Variants in MEP1A observed in about 807,000 individuals in gnomAD.
MEP1A encodes N-benzoyl-L-tyrosyl-P-amino-benzoic acid hydrolase subunit alpha.
Under a neutral mutation model 84.5 loss-of-function variants are expected in MEP1A, and 68 were observed. The observed-to-expected ratio is 0.80, with a 90% CI of 0.66 to 0.98. MEP1A has a LOEUF of 0.98. Among genes scored for constraint, MEP1A ranks in the 50% least tolerant of loss-of-function variants. MEP1A has a pLI of 0.00. For missense variants in MEP1A, 887 were observed against 919.9 expected (o/e 0.96, Z 0.46); for synonymous variants, 337 against 336.8 (o/e 1.00, Z -0.01).
chr6:46,808,189 A>C (rs1187938911), intron 5 of MEP1A, among the ~76,000 whole-genome samples: 4 of 152,064 alleles, frequency 2.6e-5, no homozygotes, highest in Admixed American at 2.6e-4. Context: ...CCTTGGGTAC[A>C]TCTCTTCATA....
At chr6:46,832,651 A>G (rs868337067) in intron 10 of MEP1A, among the ~76,000 whole-genome samples, 59 of 152,270 alleles carry the variant, frequency 3.9e-4, no homozygotes, top group African/African-American at 1.3e-3. Context: ...CTCTGGCAAC[A>G]AGTGACAGGT....
chr6:46,818,255 T>TA (rs1738689393), intron 6 of MEP1A, among the ~76,000 whole-genome samples: 1 of 152,160 alleles, frequency 6.6e-6, no homozygotes, highest in South Asian at 2.1e-4. Context: ...TTAATAAAGT[T>TA]ATTAGAAAAT....
At chr6:46,806,520 C>T (rs1410532611) in intron 5 of MEP1A, among the ~76,000 whole-genome samples, 1 of 152,012 alleles carries the variant, frequency 6.6e-6, no homozygotes, top group Admixed American at 6.6e-5. Flanking sequence ...TGTAAATTTG[C>T]ATGACTCAAA....
intron 3 of MEP1A, among the ~76,000 whole-genome samples, chr6:46,794,824 T>G (rs923793696): frequency 4.6e-5 from 7 of 151,804 alleles, no homozygotes; most frequent in African/African-American, 1.7e-4. Flanking sequence ...GAAATGGGAT[T>G]AGAATTAGAG....
intron 7 of MEP1A, among the ~76,000 whole-genome samples, 181 bp from the exon 8 acceptor site, chr6:46,825,091 T>TTA (rs1313483885): frequency 1.6e-5 from 2 of 126,434 alleles, no homozygotes; most frequent in African/African-American, 6.2e-5. Context: ...TATTTATAAA[T>TTA]TATGTATTTA....
chr6:46,835,549 G>T lies in MEP1A; in HGVS notation c.2084G>T (p.Arg695Met). The change falls in exon 13 of 14, where the codon AGG (arginine) becomes ATG (methionine). Residue 695 changes from arginine (R) to methionine (M), a missense_variant and splice_region_variant. Physicochemically the swap from Arg to Met is moderately conservative, Grantham distance 91 (BLOSUM62 -1). Coordinates refer to ENST00000230588, the MANE Select transcript of MEP1A (RefSeq NM_005588.3). ...AACGTGAAGGGGATGGCGAGCTGCAGGTAGGCTCTGTGGCTGGGGAGACAG... is the reference window on the plus strand; with the variant it reads ...AACGTGAAGGGGATGGCGAGCTGCATGTAGGCTCTGTGGCTGGGGAGACAG... ...CVNVKGMASC[R>M]CISGHAFFYT... 1 of 1,613,258 alleles carries T rather than the reference G, an allele frequency of 6.2e-7. No homozygotes were observed. The highest frequency in any genetic ancestry group is 8.5e-7 in the Non-Finnish European group (1 of 1,179,652).
intron 7 of MEP1A, among the ~76,000 whole-genome samples, chr6:46,824,269 C>A (rs2150751610): frequency 6.6e-6 from 1 of 152,086 alleles, no homozygotes; most frequent in East Asian, 1.9e-4. Flanking sequence ...CACGTACACA[C>A]ACACCCAGAT....
At chr6:46,809,640 T>C (rs1833460) in intron 6 of MEP1A, 103 bp downstream of exon 6, 634,175 of 697,252 alleles carry the variant, frequency 0.91, 289,026 homozygotes, top group East Asian at 1. Flanking sequence ...CTTTTGTCTT[T>C]GCGTCCTCAT....
At chr6:46,835,185 G>A (rs1400208650) in intron 12 of MEP1A, 64 bp from the exon 13 acceptor site, 1 of 1,406,110 alleles carries the variant, frequency 7.1e-7, no homozygotes, top group Non-Finnish European at 9.6e-7. Flanking sequence ...TTCACCAGAA[G>A]TGGGAGTTAA....
chr6:46,833,469 G>A lies in MEP1A; in HGVS notation c.1540G>A (p.Glu514Lys). The A allele has an allele frequency of 1.2e-6, 2 of 1,614,106 alleles. No individual in the cohort carries two copies. Among genetic ancestry groups the A allele is most frequent in the Non-Finnish European group, 1.7e-6 (2 of 1,180,014 alleles). The change falls in exon 11 of 14, where the codon GAG (glutamate) becomes AAG (lysine). Residue 514 changes from glutamate (E) to lysine (K), a missense_variant. Coordinates refer to ENST00000230588, the MANE Select transcript of MEP1A (RefSeq NM_005588.3). ...RQVIITILDQ[E>K]PDVRNRMSSS... The stretch of plus-strand genomic sequence containing the variant: ...GGTGATAATTACCATCCTTGACCAG[G>A]AGCCTGATGTCCGGAACAGGATGTC...
At position 46,839,041 on chromosome 6, in the gene MEP1A, G is replaced by A. The variant is rs116379377; in HGVS notation, c.2146G>A (p.Gly716Ser). Reference protein sequence around the residue: ...GERCQAVQVHGSVLGMVIGGT... With the variant: ...GERCQAVQVHSSVLGMVIGGT... Reference sequence around the variant, plus strand: ...GCGCTGTCAGGCCGTGCAGGTGCACGGCAGTGTCCTGGGCATGGTGATCGG... The same window carrying A: ...GCGCTGTCAGGCCGTGCAGGTGCACAGCAGTGTCCTGGGCATGGTGATCGG... The change falls in exon 14 of 14, where the codon GGC becomes AGC. Residue 716 changes from glycine (G) to serine (S), a missense_variant. Gly to Ser is a moderately conservative substitution (Grantham distance 56). Transcript: ENST00000230588. 1,747 of 1,613,774 alleles carry A rather than the reference G, an allele frequency of 1.1e-3. 16 individuals are homozygous for A. In the African/African-American group the frequency reaches 0.02, roughly 19 times the overall value.
chr6:46,841,217 A>G (rs1768325961), downstream of MEP1A, among the ~76,000 whole-genome samples: 1 of 152,216 alleles, frequency 6.6e-6, no homozygotes. Flanking sequence ...GAGGTACCAG[A>G]ATGAGGGTAA....
chr6:46,809,408 TG>T lies in MEP1A; in HGVS notation c.263-11del. 1 of 1,535,118 alleles carries T rather than the reference TG, an allele frequency of 6.5e-7. No individual in the cohort carries two copies. The highest frequency in any genetic ancestry group is 8.9e-7 in the Non-Finnish European group (1 of 1,117,552). ...AAATAATGCTCATTGATATTTTTAC[TG>T]ATTTCTGCAGGGCTGAATGCTAAAG... On this transcript the variant is annotated splice_polypyrimidine_tract_variant and intron_variant, in intron 5 of 13. Transcript: ENST00000230588.
chr6:46,812,936 T>C (rs556382645), intron 6 of MEP1A, among the ~76,000 whole-genome samples: 1 of 152,258 alleles, frequency 6.6e-6, no homozygotes, highest in East Asian at 1.9e-4. Flanking sequence ...ATAATGTATA[T>C]TCTGCAATTG....
chr6:46,824,118 G>A (rs1223209215), intron 7 of MEP1A, among the ~76,000 whole-genome samples: 1 of 152,052 alleles, frequency 6.6e-6, no homozygotes, highest in Admixed American at 6.6e-5. Flanking sequence ...CAGTGTATGA[G>A]GTACTTGGCT....
intron 5 of MEP1A, among the ~76,000 whole-genome samples, chr6:46,807,605 G>T: frequency 1.2e-5 from 1 of 85,410 alleles, no homozygotes; most frequent in Non-Finnish European, 2.2e-5. Context: ...AGGAAGGAAG[G>T]AAGGAAGGAA....
chr6:46,822,454 T>C (rs1767802334), intron 7 of MEP1A, among the ~76,000 whole-genome samples: 1 of 152,204 alleles, frequency 6.6e-6, no homozygotes, highest in South Asian at 2.1e-4. Flanking sequence ...GAATACATTT[T>C]CAAATATTAT....
At chr6:46,807,549 A>G (rs1263939942) in intron 5 of MEP1A, among the ~76,000 whole-genome samples, 1 of 59,270 alleles carries the variant, frequency 1.7e-5, no homozygotes, top group East Asian at 3.4e-4. Context: ...AGAAAGAAAG[A>G]AAGAAAGAAA....
At chr6:46,830,364 T>C (rs1258720492) in intron 10 of MEP1A, among the ~76,000 whole-genome samples, 1 of 152,094 alleles carries the variant, frequency 6.6e-6, no homozygotes, top group East Asian at 1.9e-4. Flanking sequence ...AGCCTACTTG[T>C]GAAGTTGGTG....
Sources: gnomAD v4.1 joint callset for allele counts (sites outside exome capture counted in the v4.1 genomes callset) on GRCh38, gnomAD v4.1.1 for gene constraint, MANE v1.5 for transcripts, NCBI Gene and HGNC (gene_info 2026-07-23, HGNC 2026-07-21) for gene names.